Variants in CEP63 observed in about 807,000 individuals in gnomAD.
CEP63 encodes centrosomal protein of 63 kDa.
Under a neutral mutation model 89.1 loss-of-function variants are expected in CEP63, and 84 were observed. That is an observed-to-expected ratio of 0.94 (90% confidence interval 0.79 to 1.13). CEP63 has a LOEUF of 1.13. CEP63 is among the 50% of genes most tolerant of loss of function. The probability of loss-of-function intolerance (pLI) is 0.00; values close to 1 mark genes in which losing one functional copy is unlikely to be tolerated. For synonymous variants in CEP63, 267 were observed against 272.5 expected (o/e 0.98, Z 0.20); for missense variants, 838 against 813.3 (o/e 1.03, Z -0.37).
At chr3:134,630,870 G>C in the CEP63 span, among the ~76,000 whole-genome samples, 4 of 152,246 alleles carry the variant, frequency 2.6e-5, no homozygotes, top group Non-Finnish European at 4.4e-5. Flanking sequence ...ACAGTTTTGA[G>C]ATAAATGGAA....
chr3:134,607,429 ACCCTGTGCTAATAGT>A, the CEP63 span: 11 of 985,486 alleles, frequency 1.1e-5, no homozygotes, highest in Non-Finnish European at 1.3e-5. Flanking sequence ...ACCCACAGGC[ACCCTGTGCTAATAGT>A]CAGTGTGAGC....
chr3:134,510,710 C>T, intron 3 of CEP63: 1 of 534,224 alleles, frequency 1.9e-6, no homozygotes, highest in African/African-American at 1.9e-5. Context: ...TGAACCCAAC[C>T]ATCTGTATCT....
chr3:134,554,369 T>C (rs971866622), intron 12 of CEP63, among the ~76,000 whole-genome samples: 7 of 149,702 alleles, frequency 4.7e-5, no homozygotes, highest in African/African-American at 1.5e-4. Flanking sequence ...TTACTGAGAA[T>C]GATGATTTCC....
At chr3:134,760,987 A>G in the CEP63 span, among the ~76,000 whole-genome samples, 1 of 151,932 alleles carries the variant, frequency 6.6e-6, no homozygotes, top group Admixed American at 6.6e-5. Flanking sequence ...CTCTGGTATG[A>G]CTAAAACATG....
At chr3:134,557,376 GTTTTTTTTTTTTTT>G (rs199930556) in intron 12 of CEP63, among the ~76,000 whole-genome samples, 8 of 101,500 alleles carry the variant, frequency 7.9e-5, no homozygotes, top group African/African-American at 3.0e-4. Context: ...TTCATAATTT[GTTTTTTTTTTTTTT>G]TTTTTTTTTT....
At chr3:134,500,717 G>A (rs1186426100) in intron 2 of CEP63, among the ~76,000 whole-genome samples, 1 of 152,074 alleles carries the variant, frequency 6.6e-6, no homozygotes, top group Non-Finnish European at 1.5e-5. Flanking sequence ...CAAGTTCCTT[G>A]TAGTTTATGG....
chr3:134,749,705 CAAAAAA>C, the CEP63 span, among the ~76,000 whole-genome samples: 17 of 49,398 alleles, frequency 3.4e-4, no homozygotes, highest in Middle Eastern at 0.018. Context: ...AGGGGTTGTT[CAAAAAA>C]AAAAAAAAAA....
At chr3:134,547,569 A>G (rs1418755175) in intron 9 of CEP63, 97 bp downstream of exon 9, 1 of 989,214 alleles carries the variant, frequency 1.0e-6, no homozygotes, top group Non-Finnish European at 1.5e-6. Context: ...AGTAAAAAAA[A>G]TAAGATTTTT....
chr3:134,602,133 T>TG, the CEP63 span, among the ~76,000 whole-genome samples: 1 of 151,580 alleles, frequency 6.6e-6, no homozygotes, highest in Non-Finnish European at 1.5e-5. Context: ...TCTCAGGGGT[T>TG]GGGGGGCACT....
chr3:134,599,360 C>T, the CEP63 span, among the ~76,000 whole-genome samples: 2 of 152,160 alleles, frequency 1.3e-5, no homozygotes, highest in Non-Finnish European at 2.9e-5. Context: ...CATGACGAAG[C>T]CAGATTTGGG....
the CEP63 span, among the ~76,000 whole-genome samples, chr3:134,680,440 T>G: frequency 1.1e-4 from 17 of 152,172 alleles, no homozygotes; most frequent in African/African-American, 4.1e-4. Context: ...TGAAGCACAT[T>G]GATGAGGCAA....
chr3:134,526,673 A>G (rs1031627384), intron 3 of CEP63, among the ~76,000 whole-genome samples: 6 of 151,554 alleles, frequency 4.0e-5, no homozygotes, highest in Non-Finnish European at 7.4e-5. Flanking sequence ...GAAGGAAGAT[A>G]CTCTGGCTTT....
At position 134,497,285 on chromosome 3, in the gene CEP63, G is replaced by T. The variant is rs549404241; in HGVS notation, c.44+1921G>T. ...TTAGTTTAACTAGGTCCCAATTGTC[G>T]GTTTTTGTTTTGGTTGCCTGTGCTT... On this transcript the variant is annotated intron_variant, in intron 2 of 14. Coordinates refer to ENST00000675561, the MANE Select transcript of CEP63 (RefSeq NM_001353108.3). Among the ~76,000 whole-genome samples, 7 of 152,142 alleles carry T rather than the reference G, an allele frequency of 4.6e-5. No homozygotes were observed. The South Asian group carries it at 1.0e-3, about 23-fold the overall frequency.
chr3:134,696,615 CCATCAA>C, the CEP63 span, among the ~76,000 whole-genome samples: 5 of 152,222 alleles, frequency 3.3e-5, no homozygotes, highest in East Asian at 9.7e-4. Flanking sequence ...GCCCATAGTA[CCATCAA>C]CTAAGCATTG....
the CEP63 span, chr3:134,597,938 A>G: frequency 1.3e-5 from 2 of 152,206 alleles, no homozygotes; most frequent in Non-Finnish European, 2.9e-5. Flanking sequence ...GCTGGAAGCC[A>G]TGGATGTGGA....
At chr3:134,668,613 C>G in the CEP63 span, among the ~76,000 whole-genome samples, 1 of 152,144 alleles carries the variant, frequency 6.6e-6, no homozygotes, top group African/African-American at 2.4e-5. Flanking sequence ...TTTAGCAAAG[C>G]AGATTTTCAG....
chr3:134,489,084 CCGGGAGGTGGAGG>C (rs1936737175), intron 1 of CEP63, among the ~76,000 whole-genome samples: 1 of 151,454 alleles, frequency 6.6e-6, no homozygotes, highest in Non-Finnish European at 1.5e-5. Flanking sequence ...TCGCTTGAAC[CCGGGAGGTGGAGG>C]TTGCAGTGAG....
At chr3:134,588,307 A>G (rs899871146), downstream of CEP63, among the ~76,000 whole-genome samples, 1 of 152,202 alleles carries the variant, frequency 6.6e-6, no homozygotes, top group East Asian at 1.9e-4. Flanking sequence ...ATAAATAAAT[A>G]AATGAAAATA....
At chr3:134,655,354 C>T in the CEP63 span, among the ~76,000 whole-genome samples, 1 of 152,316 alleles carries the variant, frequency 6.6e-6, no homozygotes, top group African/African-American at 2.4e-5. Flanking sequence ...GAATCCATTC[C>T]TTGAAGAACT....
Sources: allele counts gnomAD v4.1 joint callset (sites outside exome capture counted in the v4.1 genomes callset), GRCh38; gene constraint gnomAD v4.1.1; transcripts MANE v1.5; gene names NCBI Gene and HGNC (gene_info 2026-07-23, HGNC 2026-07-21).